PRR12: variants seen among roughly 807,000 people sequenced by gnomAD.
The protein encoded by PRR12 is proline-rich protein 12.
PRR12 carries 12 observed loss-of-function variants against 138.0 expected under a neutral mutation model. The ratio of observed to expected loss-of-function variants is 0.09; its 90% CI spans 0.06 to 0.14. PRR12 has a LOEUF of 0.14. Among genes scored for constraint, PRR12 ranks in the 10% least tolerant of loss-of-function variants. PRR12 has a pLI of 1.00. For missense variants in PRR12, 2,692 were observed against 2,861.3 expected, an observed-to-expected ratio of 0.94 and a Z score of 1.35; for synonymous variants, 1,567 against 1,291.7, an observed-to-expected ratio of 1.21 and a Z score of -4.57.
Position 49,597,253 on chromosome 19 carries a change from A to G in PRR12, c.2918A>G (p.Asp973Gly), listed in dbSNP as rs770106090. ...GKAGPPEDEG[D>G]PKAGAGPPPG... is the part of the protein sequence containing the mutation. ...GCCGGGCCACCTGAGGACGAGGGGG[A>G]CCCCAAGGCTGGCGCTGGGCCACCC... is the stretch of plus-strand genomic sequence containing the variant. Residue 973 changes from aspartate (D) to glycine (G), a missense_variant, in exon 4 of 14, where the codon GAC becomes GGC. Coordinates refer to ENST00000418929, the MANE Select transcript of PRR12 (RefSeq NM_020719.3). This position sits in a 1 kb window ranked among gnomAD's most constrained non-coding sequence, Gnocchi z 6.3. 8.9e-6 allele frequency: 14 copies of G among 1,573,214 alleles called. No individual in the cohort carries two copies. The highest frequency in any genetic ancestry group is 1.7e-4 in the Middle Eastern group (1 of 6,010).
In PRR12 at chr19:49,595,017, C is replaced by T. The variant is rs139548181; in HGVS notation, c.682C>T (p.Arg228Cys). Residue 228 changes from arginine to cysteine, a missense_variant, in exon 4 of 14, where the codon CGC becomes TGC. Transcript: ENST00000418929. ...CGGTCCAGCCCAGACCCCCCCTTAC[C>T]GCCCTGGCCCCCCAGACCCACCACC... ...GLGPAQTPPY[R>C]PGPPDPPPPP... 3.7e-6 allele frequency: 6 copies of T among 1,601,270 alleles called. No homozygotes were observed. Among genetic ancestry groups the T allele is most frequent in the African/African-American group, 1.3e-5 (1 of 74,662 alleles).
At position 49,616,580 on chromosome 19, in the gene PRR12, C is replaced by T. The variant is rs536518292; in HGVS notation, c.5497+361C>T. On this transcript the variant is annotated intron_variant, in intron 9 of 13. Transcript: ENST00000418929. This position sits in a 1 kb window ranked among gnomAD's most constrained non-coding sequence, Gnocchi z 4.2. The stretch of plus-strand genomic sequence containing the variant: ...TGTTCTTCAGTGCTGCGTTCTGCCT[C>T]ATAATAGGCAAGATTTGAGGGCTGA... Among the ~76,000 whole-genome samples, 4 of 152,208 alleles carry T rather than the reference C, an allele frequency of 2.6e-5. No homozygotes were observed. Among genetic ancestry groups the T allele is most frequent in the Non-Finnish European group, 5.9e-5 (4 of 68,006 alleles).
Position 49,614,707 on chromosome 19 carries a change from T to TG in PRR12, c.4890+62dup. ...GCCCCGGGGCGTGGTATCTAGGAGC[T>TG]GGGGTTCCCCTTAGTGTGGCTGTGA... On this transcript the variant is annotated intron_variant, in intron 7 of 13. Coordinates refer to ENST00000418929, the MANE Select transcript of PRR12 (RefSeq NM_020719.3). This position sits in a 1 kb window ranked among gnomAD's most constrained non-coding sequence, Gnocchi z 5.0. 6.7e-7 allele frequency: 1 copy of TG among 1,498,892 alleles called. No individual in the cohort carries two copies. The allele number at this position is 1,498,892 out of a possible 1,614,324, so 92.8% of individuals were successfully genotyped here. A position where few individuals can be genotyped will look rare whatever the true frequency, so the allele number is the denominator to read the frequency against.
At chr19:49,604,076 C>G (rs2080826142) in intron 6 of PRR12, among the ~76,000 whole-genome samples, 1 of 152,144 alleles carries the variant, frequency 6.6e-6, no homozygotes, top group Admixed American at 6.6e-5. Context: ...ATCTCGGCCT[C>G]CCAAAGTGCT....
At chr19:49,600,148 G>C (rs2080802143) in intron 5 of PRR12, among the ~76,000 whole-genome samples, 1 of 152,200 alleles carries the variant, frequency 6.6e-6, no homozygotes. Flanking sequence ...AGTGGACTAG[G>C]AGGGGCCCCA....
chr19:49,611,746 AC>A (rs2080867169), intron 6 of PRR12, among the ~76,000 whole-genome samples: 1 of 142,380 alleles, frequency 7.0e-6, no homozygotes. Flanking sequence ...ACGCGGTGAA[AC>A]CCCGCCTCTA....
intron 2 of PRR12, 67 bp downstream of exon 2, chr19:49,593,506 G>C: frequency 2.7e-6 from 2 of 731,386 alleles, no homozygotes; most frequent in Non-Finnish European, 4.6e-6. Flanking sequence ...CTGATTGGCT[G>C]TTGAAAGTTC....
rs1262434964 is a variant in PRR12, at chr19:49,597,460, C to G, written c.3125C>G (p.Pro1042Arg). ...SGPHQAAPPP[P>R]PPPPPPPAPA... ...CCCCACCAGGCGGCGCCACCACCCCCGCCTCCGCCACCGCCGCCTCCCGCG... is the reference window on the plus strand; with the variant it reads ...CCCCACCAGGCGGCGCCACCACCCCGGCCTCCGCCACCGCCGCCTCCCGCG... Residue 1042 changes from proline to arginine, a missense_variant, in exon 4 of 14, where the codon CCG becomes CGG. Physicochemically the swap from Pro to Arg is moderately radical, Grantham distance 103 (BLOSUM62 -2). Transcript: ENST00000418929. This position sits in a 1 kb window ranked among gnomAD's most constrained non-coding sequence, Gnocchi z 6.3. 6.5e-7 allele frequency: 1 copy of G among 1,541,650 alleles called. No homozygotes were observed. The highest frequency in any genetic ancestry group is 2.4e-5 in the East Asian group (1 of 40,878).
chr19:49,594,416 C>G lies in PRR12; in HGVS notation c.200-38C>G, dbSNP rs745411779. The G allele has an allele frequency of 3.3e-6, 5 of 1,510,902 alleles. No homozygotes were observed. Among genetic ancestry groups the G allele is most frequent in the Non-Finnish European group, 4.4e-6 (5 of 1,124,624 alleles). 93.6% of individuals were successfully genotyped at this position (1,510,902 alleles called of 1,614,324 possible). On this transcript the variant is annotated intron_variant, in intron 2 of 13. Transcript: ENST00000418929. The surrounding 1 kb of genome is among the most constrained non-coding windows in gnomAD (Gnocchi z 5.6). ...TTCTCTCTTGACTGTATCCTACCCA[C>G]CCCCACCTGGCTGACTATAACCCCT...
In PRR12 at chr19:49,591,326, GC is replaced by G. The variant is rs889234384; in HGVS notation, c.-322del. ...CCGGGACGCCCCCTCCCGAGCGCGC[GC>G]CCCCCCTTTTCTCTCGCAAGCGCCG... On this transcript the variant is annotated 5_prime_UTR_variant, in exon 1 of 14. Coordinates refer to ENST00000418929, the MANE Select transcript of PRR12 (RefSeq NM_020719.3). 6.8e-6 allele frequency among the ~76,000 whole-genome samples: 1 copy of G among 146,112 alleles called. No individual in the cohort carries two copies. The highest frequency in any genetic ancestry group is 2.5e-5 in the African/African-American group (1 of 39,246).
At chr19:49,615,051 C>A (rs1226843323) in intron 8 of PRR12, 42 bp downstream of exon 8, 4 of 1,611,288 alleles carry the variant, frequency 2.5e-6, no homozygotes, top group Admixed American at 1.7e-5. Flanking sequence ...GTATGTAGCG[C>A]CGACAGGCAT....
rs1470515720 is a variant in PRR12 at position 49,626,191 on chromosome 19, CT to C, written c.*585del. On this transcript the variant is annotated 3_prime_UTR_variant, in exon 14 of 14. Coordinates refer to ENST00000418929, the MANE Select transcript of PRR12 (RefSeq NM_020719.3). The stretch of plus-strand genomic sequence containing the variant: ...GGAGAAGGGTCCCCTCTCTCTGCCC[CT>C]CCCACTCCTTTTCTACGGCGATTTG... The C allele has an allele frequency of 1.3e-5, 2 of 152,140 alleles. No individual in the cohort carries two copies. The highest frequency in any genetic ancestry group is 2.9e-5 in the Non-Finnish European group (2 of 68,026). 9.4% of individuals were successfully genotyped at this position (152,140 alleles called of 1,614,324 possible). A position where few individuals can be genotyped will look rare whatever the true frequency, so the allele number is the denominator to read the frequency against.
At position 49,595,341 on chromosome 19, in the gene PRR12, G is replaced by A; in HGVS notation, c.1006G>A (p.Gly336Ser). 3 of 1,542,884 alleles carry A rather than the reference G, an allele frequency of 1.9e-6. No homozygotes were observed. The highest frequency in any genetic ancestry group is 2.6e-6 in the Non-Finnish European group (3 of 1,144,242). Residue 336 changes from glycine (G) to serine (S), a missense_variant, in exon 4 of 14, where the codon GGT (glycine) becomes AGT (serine). Gly to Ser is a moderately conservative substitution (Grantham distance 56). Coordinates refer to ENST00000418929, the MANE Select transcript of PRR12 (RefSeq NM_020719.3). ...CAACCTGGCCTGCAGCCCCCTGGGT[G>A]GTGGGGAGCCCTCCCCGGGTGCTGG... ...RANLACSPLGGGEPSPGAGEP... is the reference protein window; with the variant it reads ...RANLACSPLGSGEPSPGAGEP...
chr19:49,595,924 C>T lies in PRR12; in HGVS notation c.1589C>T (p.Ser530Leu), dbSNP rs751357673. ...HSQGLPTASP[S>L]LSYSTGHSPA... ...CAGGGGCTGCCCACAGCCAGCCCCT[C>T]GCTCAGCTACAGTACCGGCCATTCC... The change falls in exon 4 of 14, where the codon TCG becomes TTG. Residue 530 changes from serine (S) to leucine (L), a missense_variant. Transcript: ENST00000418929. The T allele has an allele frequency of 6.2e-6, 10 of 1,602,056 alleles. No individual in the cohort carries two copies. The South Asian group carries it at 6.6e-5, about 11-fold the overall frequency.
intron 6 of PRR12, among the ~76,000 whole-genome samples, chr19:49,606,306 T>C (rs1013806690): frequency 2.1e-5 from 3 of 142,842 alleles, no homozygotes; most frequent in African/African-American, 5.5e-5. Context: ...GTCTGGACTT[T>C]TTTTTCTTCT....
chr19:49,593,783 T>C (rs1364052565), intron 2 of PRR12, among the ~76,000 whole-genome samples: 1 of 152,218 alleles, frequency 6.6e-6, no homozygotes, highest in African/African-American at 2.4e-5. Flanking sequence ...TTTGGAACTC[T>C]GAATTCTTTC....
At chr19:49,620,204 C>T (rs942711092) in intron 9 of PRR12, 148 bp from the exon 10 acceptor site, 6 of 1,078,558 alleles carry the variant, frequency 5.6e-6, no homozygotes, top group South Asian at 1.5e-5. Context: ...GTGGCACTGG[C>T]GCTTGCCTGT....
intron 1 of PRR12, among the ~76,000 whole-genome samples, chr19:49,591,970 G>T (rs2080731011): frequency 6.6e-6 from 1 of 152,196 alleles, no homozygotes; most frequent in Admixed American, 6.5e-5. Flanking sequence ...GCGGGAAAAT[G>T]GGGGTGCAAA....
chr19:49,596,618 A>G lies in PRR12; in HGVS notation c.2283A>G (p.Gln761=), dbSNP rs765184345. The part of the protein sequence containing the change: ...AGAKELGAFL[Q]KSPPPPPPTA... ...CCAAGGAGCTGGGGGCCTTCTTGCA[A>G]AAGAGCCCTCCGCCCCCACCTCCCA... The change falls in exon 4 of 14, where the codon CAA becomes CAG. Residue 761 remains glutamine (Q), a synonymous_variant. Transcript: ENST00000418929. This position sits in a 1 kb window ranked among gnomAD's most constrained non-coding sequence, Gnocchi z 5.6. 35 of 1,593,406 alleles carry G rather than the reference A, an allele frequency of 2.2e-5. No homozygotes were observed. Among genetic ancestry groups the G allele is most frequent in the Non-Finnish European group, 2.9e-5 (34 of 1,170,776 alleles).
Sources: allele counts gnomAD v4.1 joint callset (sites outside exome capture counted in the v4.1 genomes callset), GRCh38; gene constraint gnomAD v4.1.1; non-coding constraint Gnocchi (gnomAD v3.1); transcripts MANE v1.5; gene names NCBI Gene and HGNC (gene_info 2026-07-23, HGNC 2026-07-21).